Variants in TMEM135 observed in about 807,000 individuals in gnomAD.
TMEM135 encodes the protein peroxisomal membrane protein 52.
In TMEM135, 30 loss-of-function variants were observed where a neutral mutation model predicts 60.3. That is an observed-to-expected ratio of 0.50 (90% CI 0.37 to 0.68). The LOEUF (loss-of-function observed/expected upper bound fraction) is 0.68. TMEM135 is among the 30% of genes least tolerant of loss of function. The pLI, the probability that TMEM135 is intolerant of heterozygous loss-of-function variation, is 0.00. For missense variants in TMEM135, 468 were observed against 548.8 expected (o/e 0.85, Z 1.47); for synonymous variants, 190 against 186.7 (o/e 1.02, Z -0.14).
chr11:87,142,100 C>G (rs914843380), intron 4 of TMEM135, among the ~76,000 whole-genome samples: 14 of 152,180 alleles, frequency 9.2e-5, no homozygotes, highest in Admixed American at 9.2e-4. Flanking sequence ...GAGTTTGTAA[C>G]TCATTATTTG....
rs981577469 is a variant in TMEM135, at chr11:87,062,758, G to A, written c.142-4936G>A. 5.9e-5 allele frequency among the ~76,000 whole-genome samples: 9 copies of A among 151,922 alleles called. 1 individual carries two copies. In the South Asian group the frequency reaches 8.3e-4, roughly 14 times the overall value. On this transcript the variant is annotated intron_variant, in intron 1 of 14. Coordinates refer to ENST00000305494, the MANE Select transcript of TMEM135 (RefSeq NM_022918.4). ...GATATAAGCGTGAGCCACTGCACTC[G>A]GCCCATTTATTTTTAAAAAAATTAC...
intron 1 of TMEM135, among the ~76,000 whole-genome samples, chr11:87,065,360 G>A (rs1856629013): frequency 6.6e-6 from 1 of 152,108 alleles, no homozygotes; most frequent in South Asian, 2.1e-4. Flanking sequence ...ATTTGATGTT[G>A]TCACTGTTTT....
At chr11:87,118,512 G>A (rs373811329) in intron 4 of TMEM135, among the ~76,000 whole-genome samples, 104 of 151,246 alleles carry the variant, frequency 6.9e-4, no homozygotes, top group Non-Finnish European at 1.3e-3. Context: ...GCAATGACAC[G>A]ATCTCAGCTC....
intron 4 of TMEM135, among the ~76,000 whole-genome samples, chr11:87,108,201 A>G (rs185653341): frequency 1.4e-4 from 22 of 152,218 alleles, no homozygotes; most frequent in African/African-American, 4.8e-4. Context: ...ATTTTCTCCC[A>G]TTCTGTAGGT....
At chr11:87,266,189 C>A (rs949286644) in intron 6 of TMEM135, among the ~76,000 whole-genome samples, 1 of 152,084 alleles carries the variant, frequency 6.6e-6, no homozygotes, top group African/African-American at 2.4e-5. Flanking sequence ...TATATTACAA[C>A]TGGAAAGTTT....
At chr11:87,290,111 A>G (rs746436873) in intron 6 of TMEM135, among the ~76,000 whole-genome samples, 7 of 151,888 alleles carry the variant, frequency 4.6e-5, no homozygotes, top group Non-Finnish European at 7.4e-5. Flanking sequence ...TACATCTTTT[A>G]TATTTACCAA....
intron 4 of TMEM135, among the ~76,000 whole-genome samples, chr11:87,092,620 A>G (rs1857234122): frequency 6.6e-6 from 1 of 152,146 alleles, no homozygotes; most frequent in Admixed American, 6.5e-5. Context: ...TCTTTTTGGC[A>G]TTATTCTCCT....
chr11:87,094,308 G>A (rs766520035), intron 4 of TMEM135, among the ~76,000 whole-genome samples: 9 of 152,104 alleles, frequency 5.9e-5, no homozygotes, highest in African/African-American at 1.7e-4. Flanking sequence ...TTCTGAAGCC[G>A]TCACGCTACA....
At chr11:87,059,838 G>A (rs550729714) in intron 1 of TMEM135, among the ~76,000 whole-genome samples, 6 of 152,292 alleles carry the variant, frequency 3.9e-5, no homozygotes, top group African/African-American at 1.2e-4. Context: ...TCTTGGGGCC[G>A]GGCGTGGTGG....
chr11:87,322,798 C>A lies in TMEM135; in HGVS notation c.*1465C>A. On this transcript the variant is annotated 3_prime_UTR_variant, in exon 15 of 15. Coordinates refer to ENST00000305494, the MANE Select transcript of TMEM135 (RefSeq NM_022918.4). ...AACAGAAACCCAACAAAAAGACAGA[C>A]TCTGGTACTATGGTAACAGAGCCAC... The A allele has an allele frequency of 4.4e-6, 2 of 454,336 alleles. No homozygotes were observed. The highest frequency in any genetic ancestry group is 8.8e-6 in the Non-Finnish European group (2 of 226,732). 28.1% of individuals were successfully genotyped at this position (454,336 alleles called of 1,614,324 possible).
intron 5 of TMEM135, among the ~76,000 whole-genome samples, chr11:87,170,938 C>T (rs1386105401): frequency 6.6e-6 from 1 of 152,160 alleles, no homozygotes; most frequent in Admixed American, 6.6e-5. Context: ...GGAGTTCTAT[C>T]TATAAGCCCC....
At chr11:87,170,024 CT>C (rs1026863610) in intron 5 of TMEM135, among the ~76,000 whole-genome samples, 3 of 76,140 alleles carry the variant, frequency 3.9e-5, no homozygotes, top group Non-Finnish European at 7.7e-5. Context: ...TTTTTCTAAT[CT>C]TGTCTTCGTT....
chr11:87,305,804 T>TAAATAAATAAATAAAGAAAGAAAG, intron 8 of TMEM135, 132 bp from the exon 9 acceptor site: 2 of 412,396 alleles, frequency 4.8e-6, no homozygotes, highest in Non-Finnish European at 4.3e-6. Context: ...AATAAATAAA[T>TAAATAAATAAATAAAGAAAGAAAG]AAAGTGATGT....
chr11:87,142,257 C>T (rs1360042162), intron 4 of TMEM135, among the ~76,000 whole-genome samples: 1 of 152,056 alleles, frequency 6.6e-6, no homozygotes. Flanking sequence ...CCTAGGGGTG[C>T]AGCTGAAGCT....
chr11:87,210,583 C>T (rs984538438), intron 5 of TMEM135, among the ~76,000 whole-genome samples: 1 of 152,030 alleles, frequency 6.6e-6, no homozygotes, highest in African/African-American at 2.4e-5. Context: ...TTCTATTAGA[C>T]ATACAAAGAA....
At chr11:87,194,644 C>A (rs558848269) in intron 5 of TMEM135, among the ~76,000 whole-genome samples, 6 of 152,192 alleles carry the variant, frequency 3.9e-5, no homozygotes, top group African/African-American at 1.4e-4. Flanking sequence ...AAAATTTTTG[C>A]CTTCTTGTTC....
At chr11:87,282,116 T>C (rs1942072110) in intron 6 of TMEM135, among the ~76,000 whole-genome samples, 1 of 152,134 alleles carries the variant, frequency 6.6e-6, no homozygotes, top group Admixed American at 6.5e-5. Context: ...GGACCAAGAA[T>C]TATATTTCTA....
intron 6 of TMEM135, among the ~76,000 whole-genome samples, chr11:87,272,472 A>AT (rs1565151116): frequency 6.7e-6 from 1 of 150,162 alleles, no homozygotes; most frequent in African/African-American, 2.5e-5. Context: ...TTTAATTTCT[A>AT]TTTTTTGTGA....
chr11:87,281,238 A>G (rs1431711074), intron 6 of TMEM135, among the ~76,000 whole-genome samples: 1 of 152,208 alleles, frequency 6.6e-6, no homozygotes, highest in African/African-American at 2.4e-5. Context: ...AGAAACAACT[A>G]CAAGAAACTT....
Sources: allele counts gnomAD v4.1 joint callset (sites outside exome capture counted in the v4.1 genomes callset), GRCh38; gene constraint gnomAD v4.1.1; transcripts MANE v1.5; gene names NCBI Gene and HGNC (gene_info 2026-07-23, HGNC 2026-07-21).